Variants in BTBD3 observed in about 807,000 individuals in gnomAD.
BTBD3 encodes BTB domain containing 3.
BTBD3 carries 14 observed loss-of-function variants against 41.6 expected under a neutral mutation model. The ratio of observed to expected loss-of-function variants is 0.34; its 90% CI spans 0.22 to 0.53. The LOEUF is 0.53. Ranked by LOEUF, BTBD3 falls within the 20% of genes least tolerant of loss-of-function variation. The probability of loss-of-function intolerance (pLI) is 0.95; values close to 1 mark genes in which losing one functional copy is unlikely to be tolerated. For synonymous variants in BTBD3, 249 were observed against 233.7 expected (o/e 1.07, Z -0.60); for missense variants, 426 against 654.7 (o/e 0.65, Z 3.81).
chr20:11,923,745 A>G lies in BTBD3; in HGVS notation c.*79A>G, dbSNP rs1600250451. 7 of 1,320,952 alleles carry G rather than the reference A, an allele frequency of 5.3e-6. No individual in the cohort carries two copies. The highest frequency in any genetic ancestry group is 4.6e-5 in the East Asian group (2 of 43,220). The allele number at this position is 1,320,952 out of a possible 1,614,324, so 81.8% of individuals were successfully genotyped here. A position where few individuals can be genotyped will look rare whatever the true frequency, so the allele number is the denominator to read the frequency against. ...TGCCTGATGCTTAGCTCATCTGCAA[A>G]TATGTGATCAGTGCCGGTAATTTGT... On this transcript the variant is annotated 3_prime_UTR_variant, in exon 4 of 4. Coordinates refer to ENST00000378226, the MANE Select transcript of BTBD3 (RefSeq NM_014962.4). The surrounding 1 kb of genome is among the most constrained non-coding windows in gnomAD (Gnocchi z 5.3).
At chr20:11,922,101 G>A (rs1300580113) in intron 3 of BTBD3, among the ~76,000 whole-genome samples, 1 of 152,202 alleles carries the variant, frequency 6.6e-6, no homozygotes, top group African/African-American at 2.4e-5. Context: ...TGGATTCTAT[G>A]TAAAGTTAAC....
At chr20:11,902,401 G>A (rs2056829354) in intron 1 of BTBD3, among the ~76,000 whole-genome samples, 2 of 152,124 alleles carry the variant, frequency 1.3e-5, no homozygotes, top group Non-Finnish European at 2.9e-5. Context: ...CTTTTTTCTT[G>A]TAGTGTCTTT....
rs1225276722 is a variant in BTBD3, at chr20:11,926,092, T to G, written c.*2426T>G. 6.6e-6 allele frequency: 1 copy of G among 152,496 alleles called. No individual in the cohort carries two copies. The highest frequency in any genetic ancestry group is 1.9e-4 in the East Asian group (1 of 5,200). 9.4% of individuals were successfully genotyped at this position (152,496 alleles called of 1,614,324 possible). A position where few individuals can be genotyped will look rare whatever the true frequency, so the allele number is the denominator to read the frequency against. ...GGCTAATATGCTTGCTTTATTTACT[T>G]TTGTAATCTTGGATTTTGTAGCTTT... On this transcript the variant is annotated 3_prime_UTR_variant, in exon 4 of 4. Transcript: ENST00000378226.
Position 11,917,894 on chromosome 20 carries a change from C to T in BTBD3, c.-382C>T, listed in dbSNP as rs999271103. 11 of 1,010,246 alleles carry T rather than the reference C, an allele frequency of 1.1e-5. No homozygotes were observed. In the African/African-American group the frequency reaches 1.7e-4, roughly 16 times the overall value. 62.6% of individuals were successfully genotyped at this position (1,010,246 alleles called of 1,614,324 possible). A position where few individuals can be genotyped will look rare whatever the true frequency, so the allele number is the denominator to read the frequency against. ...TACCTACTCTCCTCCGATCCATTCA[C>T]CACACAACTTCAGCCGGCTGAACAG... is the stretch of plus-strand genomic sequence containing the variant. On this transcript the variant is annotated 5_prime_UTR_variant, in exon 1 of 4. Transcript: ENST00000378226.
At chr20:11,918,969 C>T (rs2056942040) in intron 1 of BTBD3, 117 bp from the exon 2 acceptor site, 1 of 709,796 alleles carries the variant, frequency 1.4e-6, no homozygotes, top group South Asian at 1.9e-5. Flanking sequence ...TGTTGTTTTG[C>T]CTTGAAGTTA....
chr20:11,893,094 A>G (rs892599735), intron 1 of BTBD3, among the ~76,000 whole-genome samples: 7 of 152,062 alleles, frequency 4.6e-5, no homozygotes, highest in Non-Finnish European at 7.4e-5. Flanking sequence ...CAGGTATGCT[A>G]TAGACATCTA....
In BTBD3 at chr20:11,902,759, C is replaced by T. The variant is rs147212258; in HGVS notation, c.-126+11805C>T. On this transcript the variant is annotated intron_variant, in intron 1 of 4. Transcript: ENST00000254977. ...TTACATTTGTTTACATTTCTCTGGA[C>T]TGGGAATGGCACTATATACAGTCAG... 7.2e-3 allele frequency among the ~76,000 whole-genome samples: 1,101 copies of T among 152,198 alleles called. 8 individuals carry two copies. Among genetic ancestry groups the T allele is most frequent in the Middle Eastern group, 0.031 (9 of 292 alleles).
chr20:11,918,418 T>G lies in BTBD3; in HGVS notation c.143T>G (p.Val48Gly), dbSNP rs752364172. 18 of 1,613,880 alleles carry G rather than the reference T, an allele frequency of 1.1e-5. No homozygotes were observed. Among genetic ancestry groups the G allele is most frequent in the Non-Finnish European group, 1.5e-5 (18 of 1,180,002 alleles). Reference protein sequence around the residue: ...SSSNSSKLPPVCYEIITLKTK... With the variant: ...SSSNSSKLPPGCYEIITLKTK... ...AGCAACAGCAGCAAGTTGCCACCAGTTTGTTATGAAATAATTACCTTGAAG... is the reference window on the plus strand; with the variant it reads ...AGCAACAGCAGCAAGTTGCCACCAGGTTGTTATGAAATAATTACCTTGAAG... The change falls in exon 1 of 4, where the codon GTT (valine) becomes GGT (glycine). Residue 48 changes from valine to glycine, a missense_variant. This residue lies in a region of BTBD3 where 53 missense variants were observed against 74.8 expected (regional missense o/e 0.71). Coordinates refer to ENST00000378226, the MANE Select transcript of BTBD3 (RefSeq NM_014962.4).
At chr20:11,899,174 T>G (rs373279542) in intron 1 of BTBD3, among the ~76,000 whole-genome samples, 1 of 152,146 alleles carries the variant, frequency 6.6e-6, no homozygotes, top group African/African-American at 2.4e-5. Context: ...TAGTCTTTTT[T>G]CCTATGAGGT....
In BTBD3 at chr20:11,917,934, A is replaced by G; in HGVS notation, c.-342A>G. The G allele has an allele frequency of 9.7e-7, 1 of 1,027,260 alleles. No individual in the cohort carries two copies. The highest frequency in any genetic ancestry group is 1.2e-6 in the Non-Finnish European group (1 of 855,576). 63.6% of individuals were successfully genotyped at this position (1,027,260 alleles called of 1,614,324 possible). ...CGGCTGAACAGACTCACGCAGCTCCAGCCCATCTTGCTGACCTAATTCAGA... is the reference window on the plus strand; with the variant it reads ...CGGCTGAACAGACTCACGCAGCTCCGGCCCATCTTGCTGACCTAATTCAGA... On this transcript the variant is annotated 5_prime_UTR_variant, in exon 1 of 4. Transcript: ENST00000378226.
At position 11,908,321 on chromosome 20, in the gene BTBD3, GT is replaced by G. The variant is rs3834758; in HGVS notation, c.-125-9995del. ...ATGGTGGAGTGGTTGCTTCTCTGTG[GT>G]TTTTTTTTTTTTTTTTTAAATAAGG... On this transcript the variant is annotated intron_variant, in intron 1 of 4. Coordinates refer to the BTBD3 transcript ENST00000254977. 9.2e-3 allele frequency among the ~76,000 whole-genome samples: 712 copies of G among 77,096 alleles called. 27 individuals carry two copies. The highest frequency in any genetic ancestry group is 0.074 in the Middle Eastern group (5 of 68). 50.6% of individuals were successfully genotyped at this position (77,096 alleles called of 152,430 possible). A position where few individuals can be genotyped will look rare whatever the true frequency, so the allele number is the denominator to read the frequency against.
chr20:11,894,106 C>G (rs1355885860), intron 1 of BTBD3, among the ~76,000 whole-genome samples: 1 of 152,188 alleles, frequency 6.6e-6, no homozygotes, highest in African/African-American at 2.4e-5. Flanking sequence ...CCTCTTTAAT[C>G]GCATTTCCTT....
In BTBD3 at chr20:11,919,846, A is replaced by G. The variant is rs1294727389; in HGVS notation, c.536+10A>G. On this transcript the variant is annotated intron_variant, in intron 3 of 3. Transcript: ENST00000378226. ...TTCTCGCTATGCTGAAGTAAGCATC[A>G]TTCGTGTGTTTGGAAAGAGTTTGTT... 4.4e-6 allele frequency: 7 copies of G among 1,607,068 alleles called. No individual in the cohort carries two copies. Among genetic ancestry groups the G allele is most frequent in the African/African-American group, 1.3e-5 (1 of 74,770 alleles).
Position 11,922,229 on chromosome 20 carries a change from A to T in BTBD3, c.537-405A>T, listed in dbSNP as rs548399707. Among the ~76,000 whole-genome samples, 38 of 152,350 alleles carry T rather than the reference A, an allele frequency of 2.5e-4. No homozygotes were observed. The South Asian group carries it at 7.9e-3, about 32-fold the overall frequency. On this transcript the variant is annotated intron_variant, in intron 3 of 3. Transcript: ENST00000378226. ...GAAAACTCCAAAAGCATGAAGATGC[A>T]ATAATTGCTCTTAAAACATAACGAG...
intron 1 of BTBD3, among the ~76,000 whole-genome samples, chr20:11,900,984 T>C (rs946604132): frequency 2.6e-5 from 4 of 152,150 alleles, no homozygotes; most frequent in African/African-American, 9.7e-5. Flanking sequence ...GTGCTGGGAT[T>C]ACAGGCTTGA....
chr20:11,897,172 G>A (rs777539052), intron 1 of BTBD3, among the ~76,000 whole-genome samples: 4 of 152,148 alleles, frequency 2.6e-5, no homozygotes, highest in Admixed American at 6.5e-5. Flanking sequence ...GTTCTCACCC[G>A]CCTGTTGTCA....
chr20:11,917,280 A>C (rs559504790), upstream of BTBD3, among the ~76,000 whole-genome samples: 4 of 152,152 alleles, frequency 2.6e-5, no homozygotes, highest in Admixed American at 1.3e-4. Context: ...GTACGGGTAT[A>C]ATCTTAATCT....
At chr20:11,901,755 T>C (rs2056824883) in intron 1 of BTBD3, among the ~76,000 whole-genome samples, 1 of 152,198 alleles carries the variant, frequency 6.6e-6, no homozygotes. Flanking sequence ...TGGATTTGAC[T>C]AGGTGGGTGT....
At chr20:11,917,882 C>T, upstream of BTBD3, 1 of 1,000,898 alleles carries the variant, frequency 1.0e-6, no homozygotes, top group South Asian at 4.3e-5. Flanking sequence ...CTACTCTCCT[C>T]CGATCCATTC....
Sources: allele counts gnomAD v4.1 joint callset (sites outside exome capture counted in the v4.1 genomes callset), GRCh38; gene constraint gnomAD v4.1.1; regional missense constraint gnomAD v4.1.1; non-coding constraint Gnocchi (gnomAD v3.1); transcripts MANE v1.5; gene names NCBI Gene and HGNC (gene_info 2026-07-23, HGNC 2026-07-21).